ACOX1: variants seen among roughly 807,000 people sequenced by gnomAD.
The protein encoded by ACOX1 is peroxisomal acyl-coenzyme A oxidase 1.
In ACOX1, 41 loss-of-function variants were observed where a neutral mutation model predicts 75.5. That is an observed-to-expected ratio of 0.54 (90% CI 0.42 to 0.70). The LOEUF is 0.70. Ranked by LOEUF, ACOX1 falls within the 30% of genes least tolerant of loss-of-function variation. The pLI is 0.00. For synonymous variants in ACOX1, 303 were observed against 298.8 expected (o/e 1.01, Z -0.15); for missense variants, 630 against 837.5 (o/e 0.75, Z 3.06).
In ACOX1 at chr17:75,950,662, T is replaced by C; in HGVS notation, c.1298+112A>G. 3 of 1,246,700 alleles carry C rather than the reference T, an allele frequency of 2.4e-6. No homozygotes were observed. The highest frequency in any genetic ancestry group is 3.5e-6 in the Non-Finnish European group (3 of 867,636). 77.2% of individuals were successfully genotyped at this position (1,246,700 alleles called of 1,614,324 possible). On this transcript the variant is annotated intron_variant, in intron 9 of 13. Transcript: ENST00000293217. This position sits in a 1 kb window ranked among gnomAD's most constrained non-coding sequence, Gnocchi z 4.3. ...AGGATGGAAGGCAAAAGTATACCTT[T>C]CAGGAACAAATATATATATACGGTG...
In ACOX1 at chr17:75,960,375, A is replaced by T; in HGVS notation, c.270T>A (p.Asn90Lys). ...ADPDEIMWFK[N>K]FVHRGRPEPL... ...GCTCAGGCCGCCCTCGGTGCACAAA[A>T]CTTCGAGGAAATATCAAGGATGGGC... Residue 90 changes from asparagine to lysine, a missense_variant and splice_region_variant, in exon 3 of 14, where the codon AAT (asparagine) becomes AAA (lysine). This residue lies in a region of ACOX1 where 390 missense variants were observed against 574.9 expected (regional missense o/e 0.68). Coordinates refer to ENST00000293217, the MANE Select transcript of ACOX1 (RefSeq NM_004035.7). The surrounding 1 kb of genome is among the most constrained non-coding windows in gnomAD (Gnocchi z 4.4). 1 of 1,613,548 alleles carries T rather than the reference A, an allele frequency of 6.2e-7. No individual in the cohort carries two copies.
At chr17:75,964,655 T>C (rs980423590) in intron 2 of ACOX1, among the ~76,000 whole-genome samples, 1 of 152,186 alleles carries the variant, frequency 6.6e-6, no homozygotes, top group African/African-American at 2.4e-5. Flanking sequence ...AATTTAGAAA[T>C]GTTACAAGGA....
rs1271910111 is a variant in ACOX1, at chr17:75,945,798, AC to A, written c.*949del. The A allele has an allele frequency of 6.5e-6, 1 of 152,946 alleles. No homozygotes were observed. Among genetic ancestry groups the A allele is most frequent in the Non-Finnish European group, 1.5e-5 (1 of 67,810 alleles). The allele number at this position is 152,946 out of a possible 1,614,324, so 9.5% of individuals were successfully genotyped here. A position where few individuals can be genotyped will look rare whatever the true frequency, so the allele number is the denominator to read the frequency against. The stretch of plus-strand genomic sequence containing the variant: ...TTTTTTCCCAGTTGTTAAAAAAAAA[AC>A]AACTCACAGTTTCAATATTTTCTGA... On this transcript the variant is annotated 3_prime_UTR_variant, in exon 14 of 14. Transcript: ENST00000293217.
In ACOX1 at chr17:75,968,435, CAAA is replaced by C. The variant is rs55909021; in HGVS notation, c.270-8063_270-8061del. On this transcript the variant is annotated intron_variant, in intron 2 of 13. Coordinates refer to ENST00000293217, the MANE Select transcript of ACOX1 (RefSeq NM_004035.7). The stretch of plus-strand genomic sequence containing the variant: ...TGGGCGACAGAGCGAGACTCCGTCT[CAAA>C]AAAAAAAAAAAAAAAAAGTTAGCCG... Among the ~76,000 whole-genome samples, 57 of 21,008 alleles carry C rather than the reference CAAA, an allele frequency of 2.7e-3. 4 individuals carry two copies. Among genetic ancestry groups the C allele is most frequent in the African/African-American group, 8.0e-3 (21 of 2,634 alleles). 13.8% of individuals were successfully genotyped at this position (21,008 alleles called of 152,430 possible).
intron 13 of ACOX1, among the ~76,000 whole-genome samples, chr17:75,947,248 G>GTTTTT: frequency 7.3e-6 from 1 of 137,576 alleles, no homozygotes; most frequent in Admixed American, 7.4e-5. Flanking sequence ...TGATGTCTTA[G>GTTTTT]TTTTTTTTTT....
chr17:75,979,133 C>G lies in ACOX1; in HGVS notation c.-60G>C. 6.3e-7 allele frequency: 1 copy of G among 1,597,504 alleles called. No homozygotes were observed. On this transcript the variant is annotated 5_prime_UTR_variant, in exon 1 of 14. Transcript: ENST00000293217. ...CCGAGGTGGCAGTGACAATCTAAAT[C>G]CGCAGCTCCAGCGCCGGCCGGACCC... is the stretch of plus-strand genomic sequence containing the variant.
intron 2 of ACOX1, among the ~76,000 whole-genome samples, chr17:75,961,049 C>CT (rs752759355): frequency 6.0e-5 from 9 of 151,220 alleles, no homozygotes; most frequent in Non-Finnish European, 1.2e-4. Flanking sequence ...TCTCAGCACT[C>CT]TGAGAGGCCG....
At position 75,956,687 on chromosome 17, in the gene ACOX1, CA is replaced by C. The variant is rs60686701; in HGVS notation, c.539-741del. ...TGGGTGACACAGTGAGACTCCATCT[CA>C]AAAAAAAAAAAAAGTTTGTGTTAAA... On this transcript the variant is annotated intron_variant, in intron 4 of 13. Transcript: ENST00000293217. Among the ~76,000 whole-genome samples, 292 of 103,850 alleles carry C rather than the reference CA, an allele frequency of 2.8e-3. 1 individual carries two copies. Among genetic ancestry groups the C allele is most frequent in the South Asian group, 9.6e-3 (31 of 3,228 alleles). 68.1% of individuals were successfully genotyped at this position (103,850 alleles called of 152,430 possible). A position where few individuals can be genotyped will look rare whatever the true frequency, so the allele number is the denominator to read the frequency against.
intron 2 of ACOX1, among the ~76,000 whole-genome samples, chr17:75,965,231 G>C (rs183022080): frequency 4.1e-3 from 616 of 151,612 alleles, no homozygotes; most frequent in African/African-American, 0.014. Context: ...CCAGCTACTC[G>C]GGAGGCTGAG....
intron 2 of ACOX1, among the ~76,000 whole-genome samples, chr17:75,962,243 A>G (rs1171454008): frequency 6.6e-6 from 1 of 152,210 alleles, no homozygotes; most frequent in Non-Finnish European, 1.5e-5. Context: ...ACGACAAGTT[A>G]CAGATTCATG....
intron 8 of ACOX1, among the ~76,000 whole-genome samples, 176 bp from the exon 9 acceptor site, chr17:75,951,140 T>C (rs906399999): frequency 6.6e-6 from 1 of 152,172 alleles, no homozygotes; most frequent in African/African-American, 2.4e-5. Flanking sequence ...ACACTACCCA[T>C]GCCCATCTAA....
At chr17:75,970,287 G>T (rs974556648) in intron 2 of ACOX1, among the ~76,000 whole-genome samples, 1 of 151,252 alleles carries the variant, frequency 6.6e-6, no homozygotes, top group Non-Finnish European at 1.5e-5. Flanking sequence ...ATCTTGAAAT[G>T]ATTACATATC....
intron 2 of ACOX1, among the ~76,000 whole-genome samples, chr17:75,977,043 T>A (rs972934470): frequency 7.1e-6 from 1 of 140,294 alleles, no homozygotes; most frequent in African/African-American, 2.7e-5. Flanking sequence ...TGTTGCCCAG[T>A]CTGGAGTGCA....
In ACOX1 at chr17:75,944,239, T is replaced by C. The variant is rs1040565047; in HGVS notation, c.*2509A>G. On this transcript the variant is annotated 3_prime_UTR_variant, in exon 14 of 14. Coordinates refer to ENST00000293217, the MANE Select transcript of ACOX1 (RefSeq NM_004035.7). ...ACAGTGATACCCTGTCTCAAAAAGA[T>C]AAAAATAAAATTCCTACTCAGTAAT... The C allele has an allele frequency of 1.3e-5, 2 of 152,020 alleles. No individual in the cohort carries two copies. The highest frequency in any genetic ancestry group is 3.9e-4 in the East Asian group (2 of 5,186). The allele number at this position is 152,020 out of a possible 1,614,324, so 9.4% of individuals were successfully genotyped here.
chr17:75,949,988 G>T, intron 9 of ACOX1, 91 bp from the exon 10 acceptor site: 2 of 1,378,540 alleles, frequency 1.5e-6, no homozygotes, highest in Non-Finnish European at 2.0e-6. Context: ...TAGGCTGGAT[G>T]GAGTGCAATG....
chr17:75,959,003 G>T (rs2065865112), intron 3 of ACOX1, among the ~76,000 whole-genome samples: 1 of 152,042 alleles, frequency 6.6e-6, no homozygotes, highest in Admixed American at 6.6e-5. Flanking sequence ...TGTGTACTGG[G>T]ATAGACAGGA....
Position 75,955,938 on chromosome 17 carries a change from G to A in ACOX1, c.548C>T (p.Thr183Ile), listed in dbSNP as rs752219452. The A allele has an allele frequency of 1.2e-6, 2 of 1,611,518 alleles. No individual in the cohort carries two copies. Residue 183 changes from threonine (T) to isoleucine (I), a missense_variant, in exon 5 of 14, where the codon ACT becomes ATT. Coordinates refer to ENST00000293217, the MANE Select transcript of ACOX1 (RefSeq NM_004035.7). ...GGCAAGAACTATTGCATGATTTGAAGTCTTTCCAACTGTAATATCAAAGAG... is the reference window on the plus strand; with the variant it reads ...GGCAAGAACTATTGCATGATTTGAAATCTTTCCAACTGTAATATCAAAGAG... ...IKWWPGGLGK[T>I]SNHAIVLAQL...
intron 4 of ACOX1, among the ~76,000 whole-genome samples, chr17:75,957,008 T>TATATATATACACAC (rs1555617568): frequency 3.6e-5 from 4 of 110,180 alleles, no homozygotes; most frequent in African/African-American, 1.5e-4. Context: ...TATATATATA[T>TATATATATACACAC]ACACACACAC....
chr17:75,960,966 G>A lies in ACOX1; in HGVS notation c.270-591C>T, dbSNP rs2065881748. On this transcript the variant is annotated intron_variant, in intron 2 of 13. Coordinates refer to ENST00000293217, the MANE Select transcript of ACOX1 (RefSeq NM_004035.7). The surrounding 1 kb of genome is among the most constrained non-coding windows in gnomAD (Gnocchi z 4.4). ...TGCATTCCAGCCTGGGTGACAGAGT[G>A]AGACTCTGTCTCAAAAAAAATAAAT... Among the ~76,000 whole-genome samples the A allele has an allele frequency of 6.6e-6, 1 of 151,884 alleles. No individual in the cohort carries two copies.
Sources: gnomAD v4.1 joint callset for allele counts (sites outside exome capture counted in the v4.1 genomes callset) on GRCh38, gnomAD v4.1.1 for gene constraint, gnomAD v4.1.1 regional missense constraint, Gnocchi (gnomAD v3.1) non-coding constraint, MANE v1.5 for transcripts, NCBI Gene and HGNC (gene_info 2026-07-23, HGNC 2026-07-21) for gene names.